The following KIF6 variants were observed in gnomAD, a reference collection of about 807,000 sequenced individuals.
The protein encoded by KIF6 is kinesin-like protein KIF6.
In KIF6, 106 loss-of-function variants were observed where a neutral mutation model predicts 112.7. The observed-to-expected ratio is 0.94, with a 90% CI of 0.80 to 1.11. The LOEUF is 1.11. Among genes scored for constraint, KIF6 ranks in the 50% least tolerant of loss-of-function variants. KIF6 has a pLI of 0.00. For missense variants in KIF6, 929 were observed against 964.0 expected (o/e 0.96, Z 0.48); for synonymous variants, 339 against 339.9 (o/e 1.00, Z 0.03).
intron 5 of KIF6, among the ~76,000 whole-genome samples, chr6:39,622,814 T>C (rs116804128): frequency 6.8e-4 from 103 of 152,124 alleles, no homozygotes; most frequent in African/African-American, 2.5e-3. Context: ...ATGCTGGAGG[T>C]GAGGCAGCCA....
intron 3 of KIF6, among the ~76,000 whole-genome samples, chr6:39,692,385 C>T (rs1207543272): frequency 6.6e-6 from 1 of 152,196 alleles, no homozygotes; most frequent in Non-Finnish European, 1.5e-5. Context: ...TCTGTACTCA[C>T]TTTTAAACAA....
chr6:39,604,951 C>T (rs1782802680), intron 6 of KIF6, among the ~76,000 whole-genome samples: 2 of 152,078 alleles, frequency 1.3e-5, no homozygotes, highest in African/African-American at 4.8e-5. Flanking sequence ...CCCTAAGGGT[C>T]ATTTCTCCAG....
intron 6 of KIF6, among the ~76,000 whole-genome samples, chr6:39,597,322 T>G (rs1042142480): frequency 6.6e-6 from 1 of 152,100 alleles, no homozygotes; most frequent in African/African-American, 2.4e-5. Flanking sequence ...AAGAAACAAA[T>G]GAAAAGTAAT....
intron 10 of KIF6, 21 bp downstream of exon 10, chr6:39,578,035 A>C: frequency 6.5e-7 from 1 of 1,548,550 alleles, no homozygotes. Flanking sequence ...AAGAAAAAGA[A>C]AAAAAAGTCT....
At chr6:39,398,421 G>A (rs1456095342) in intron 15 of KIF6, among the ~76,000 whole-genome samples, 1 of 152,190 alleles carries the variant, frequency 6.6e-6, no homozygotes, top group African/African-American at 2.4e-5. Flanking sequence ...GGTGCCAGGA[G>A]GAGACCAAAC....
At chr6:39,670,615 C>A (rs1264333045) in intron 3 of KIF6, among the ~76,000 whole-genome samples, 1 of 151,864 alleles carries the variant, frequency 6.6e-6, no homozygotes, top group African/African-American at 2.4e-5. Context: ...GGGTGGGTGA[C>A]AGAGGTGGGA....
intron 13 of KIF6, among the ~76,000 whole-genome samples, chr6:39,466,016 C>T (rs541568466): frequency 6.6e-6 from 1 of 152,340 alleles, no homozygotes; most frequent in South Asian, 2.1e-4. Flanking sequence ...CCCCCATCAT[C>T]CCTTCCATAT....
intron 3 of KIF6, among the ~76,000 whole-genome samples, chr6:39,654,035 G>A (rs1311045372): frequency 1.3e-5 from 2 of 152,162 alleles, no homozygotes; most frequent in Non-Finnish European, 2.9e-5. Flanking sequence ...CAGCACTATA[G>A]GACGTGGGGG....
intron 3 of KIF6, among the ~76,000 whole-genome samples, chr6:39,685,085 A>G (rs2113784695): frequency 1.3e-5 from 2 of 152,336 alleles, no homozygotes; most frequent in South Asian, 4.1e-4. Flanking sequence ...AAAGGGGAGC[A>G]CAGAAATGGG....
chr6:39,505,237 C>T (rs1458452572), intron 13 of KIF6, among the ~76,000 whole-genome samples: 1 of 152,084 alleles, frequency 6.6e-6, no homozygotes, highest in Non-Finnish European at 1.5e-5. Flanking sequence ...CTGACAAAAA[C>T]AAGGAATGGC....
intron 6 of KIF6, among the ~76,000 whole-genome samples, chr6:39,605,571 C>A (rs1782838433): frequency 6.6e-6 from 1 of 151,936 alleles, no homozygotes; most frequent in African/African-American, 2.4e-5. Context: ...ATTTAGATAT[C>A]CATTTGTATC....
intron 13 of KIF6, among the ~76,000 whole-genome samples, chr6:39,448,838 G>T (rs945091243): frequency 6.6e-6 from 1 of 152,188 alleles, no homozygotes; most frequent in African/African-American, 2.4e-5. Context: ...TTACTTGAAG[G>T]TTTAATTGGC....
At chr6:39,377,349 TG>T (rs1766521060) in intron 16 of KIF6, among the ~76,000 whole-genome samples, 1 of 139,498 alleles carries the variant, frequency 7.2e-6, no homozygotes, top group Non-Finnish European at 1.5e-5. Context: ...GTGCCTGCCC[TG>T]CCGTCCCCCA....
At chr6:39,425,908 C>T (rs1770731453) in intron 14 of KIF6, among the ~76,000 whole-genome samples, 2 of 152,096 alleles carry the variant, frequency 1.3e-5, no homozygotes, top group African/African-American at 2.4e-5. Flanking sequence ...GGTTTCTCTC[C>T]ACCCTCGGTC....
intron 13 of KIF6, among the ~76,000 whole-genome samples, chr6:39,485,675 C>T (rs1175249145): frequency 6.6e-6 from 1 of 152,156 alleles, no homozygotes; most frequent in East Asian, 1.9e-4. Flanking sequence ...GAGCCACTGT[C>T]ACGAAAGGAG....
chr6:39,571,887 C>A (rs1780658571), intron 10 of KIF6, among the ~76,000 whole-genome samples: 1 of 151,490 alleles, frequency 6.6e-6, no homozygotes, highest in Non-Finnish European at 1.5e-5. Context: ...CCCCTCCCAC[C>A]CTCTCACATT....
Position 39,550,702 on chromosome 6 carries a change from AGTTCT to A in KIF6, c.1182-5019_1182-5015del, listed in dbSNP as rs1372665060. On this transcript the variant is annotated intron_variant, in intron 10 of 22. Coordinates refer to ENST00000287152, the MANE Select transcript of KIF6 (RefSeq NM_145027.6). ...AGCTCATTCCAGAGAGCTAGAAAGG[AGTTCT>A]GATTTATAAAACTAACTTGTATTAA... 6.7e-3 allele frequency among the ~76,000 whole-genome samples: 1,021 copies of A among 152,284 alleles called. 11 individuals carry two copies. The highest frequency in any genetic ancestry group is 0.024 in the African/African-American group (977 of 41,550).
At chr6:39,386,360 A>G (rs1767422961) in intron 15 of KIF6, among the ~76,000 whole-genome samples, 1 of 152,206 alleles carries the variant, frequency 6.6e-6, no homozygotes, top group South Asian at 2.1e-4. Context: ...AAACCATGCC[A>G]TCTGAGAAAT....
chr6:39,368,071 T>A (rs995309467), intron 16 of KIF6, among the ~76,000 whole-genome samples: 1 of 152,148 alleles, frequency 6.6e-6, no homozygotes, highest in African/African-American at 2.4e-5. Flanking sequence ...GAAGTTTAGA[T>A]AGGATGGTGT....
Sources: gnomAD v4.1 joint callset for allele counts (sites outside exome capture counted in the v4.1 genomes callset) on GRCh38, gnomAD v4.1.1 for gene constraint, MANE v1.5 for transcripts, NCBI Gene and HGNC (gene_info 2026-07-23, HGNC 2026-07-21) for gene names.